ARHGAP10: variants seen among roughly 807,000 people sequenced by gnomAD.
The protein encoded by ARHGAP10 is Rho GTPase activating protein 10, also known as rho GTPase-activating protein 10.
ARHGAP10 carries 87 observed loss-of-function variants against 108.6 expected under a neutral mutation model. That is an observed-to-expected ratio of 0.80 (90% CI 0.67 to 0.96). The LOEUF is 0.96. ARHGAP10 is among the 40% of genes least tolerant of loss of function. The probability of loss-of-function intolerance (pLI) is 0.00; values close to 1 mark genes in which losing one functional copy is unlikely to be tolerated. For synonymous variants in ARHGAP10, 347 were observed against 341.1 expected, an observed-to-expected ratio of 1.02 and a Z score of -0.19; for missense variants, 939 against 954.5, an observed-to-expected ratio of 0.98 and a Z score of 0.21.
chr4:147,876,324 G>T (rs543069300), intron 8 of ARHGAP10, among the ~76,000 whole-genome samples: 4 of 152,280 alleles, frequency 2.6e-5, no homozygotes, highest in African/African-American at 9.6e-5. Context: ...TGGGCGCGGT[G>T]GCTCACACTT....
At chr4:147,826,455 C>A (rs2126790895) in intron 3 of ARHGAP10, among the ~76,000 whole-genome samples, 1 of 152,244 alleles carries the variant, frequency 6.6e-6, no homozygotes, top group African/African-American at 2.4e-5. Context: ...GTGTCATACA[C>A]AACTCATTGT....
At chr4:147,936,858 G>A (rs998499319) in intron 13 of ARHGAP10, among the ~76,000 whole-genome samples, 3 of 152,178 alleles carry the variant, frequency 2.0e-5, no homozygotes, top group Non-Finnish European at 4.4e-5. Context: ...CCCAGACCGT[G>A]GCCTATTAGG....
At chr4:147,737,880 G>A (rs1002561024) in intron 1 of ARHGAP10, among the ~76,000 whole-genome samples, 5 of 152,154 alleles carry the variant, frequency 3.3e-5, no homozygotes, top group African/African-American at 1.2e-4. Flanking sequence ...CACCAGCTGA[G>A]CCATGGTTAT....
intron 19 of ARHGAP10, among the ~76,000 whole-genome samples, chr4:148,028,810 G>A (rs771318558): frequency 1.3e-5 from 2 of 152,166 alleles, no homozygotes; most frequent in Non-Finnish European, 2.9e-5. Flanking sequence ...TGGATATCTG[G>A]GAGAGATGTT....
At chr4:147,872,202 G>A (rs984501731) in intron 7 of ARHGAP10, among the ~76,000 whole-genome samples, 4 of 151,968 alleles carry the variant, frequency 2.6e-5, no homozygotes, top group Admixed American at 2.0e-4. Flanking sequence ...AGGCGTCTGC[G>A]GCAGGGATGG....
intron 19 of ARHGAP10, among the ~76,000 whole-genome samples, chr4:148,033,072 G>A (rs1344470738): frequency 6.6e-6 from 1 of 152,062 alleles, no homozygotes; most frequent in Non-Finnish European, 1.5e-5. Flanking sequence ...AAGCAAATAT[G>A]AATATGGATT....
intron 7 of ARHGAP10, among the ~76,000 whole-genome samples, chr4:147,870,024 G>C (rs1229875721): frequency 6.6e-5 from 10 of 151,634 alleles, no homozygotes; most frequent in East Asian, 1.9e-4. Context: ...GTGTGTGTGT[G>C]TGTGTGTGTG....
chr4:148,068,483 A>G (rs530059744), intron 22 of ARHGAP10, among the ~76,000 whole-genome samples: 2 of 152,334 alleles, frequency 1.3e-5, no homozygotes, highest in Non-Finnish European at 2.9e-5. Flanking sequence ...TTCCTAGCAC[A>G]GGGGAATCTG....
chr4:147,972,378 G>T (rs1367376421), intron 18 of ARHGAP10, among the ~76,000 whole-genome samples: 1 of 152,102 alleles, frequency 6.6e-6, no homozygotes, highest in African/African-American at 2.4e-5. Context: ...TAGTATCCCT[G>T]TATGGGTGAA....
intron 3 of ARHGAP10, among the ~76,000 whole-genome samples, chr4:147,826,089 G>C (rs1394511671): frequency 2.0e-5 from 3 of 152,222 alleles, no homozygotes; most frequent in Non-Finnish European, 4.4e-5. Context: ...GTAGGATACT[G>C]CACAAAGGGC....
chr4:148,011,076 A>G (rs997731488), intron 18 of ARHGAP10, among the ~76,000 whole-genome samples: 2 of 152,226 alleles, frequency 1.3e-5, no homozygotes, highest in Non-Finnish European at 2.9e-5. Context: ...GATTCAAGTT[A>G]CATATTTTTG....
chr4:148,068,087 T>C (rs1729978791), intron 22 of ARHGAP10, among the ~76,000 whole-genome samples: 1 of 151,964 alleles, frequency 6.6e-6, no homozygotes, highest in African/African-American at 2.4e-5. Context: ...GCCTGGGGAA[T>C]CCTGGAAATA....
intron 13 of ARHGAP10, among the ~76,000 whole-genome samples, chr4:147,934,448 G>C (rs567382616): frequency 3.0e-4 from 46 of 152,322 alleles, no homozygotes; most frequent in African/African-American, 1.1e-3. Context: ...GATATGAGCA[G>C]GTTACTTTCT....
At chr4:147,863,692 C>G (rs1390533565) in intron 5 of ARHGAP10, 1 of 152,156 alleles carries the variant, frequency 6.6e-6, no homozygotes, top group Non-Finnish European at 1.5e-5. Context: ...TGCCTGTTAA[C>G]TGCTGGTGGC....
intron 10 of ARHGAP10, among the ~76,000 whole-genome samples, chr4:147,897,982 A>G (rs1560815827): frequency 6.6e-6 from 1 of 151,726 alleles, no homozygotes; most frequent in Non-Finnish European, 1.5e-5. Flanking sequence ...GCCTCCCGAG[A>G]AGCTGGGACT....
chr4:147,830,746 G>A (rs1295099843), intron 3 of ARHGAP10, among the ~76,000 whole-genome samples: 3 of 152,028 alleles, frequency 2.0e-5, no homozygotes, highest in Non-Finnish European at 4.4e-5. Flanking sequence ...GCTCGAACTC[G>A]TGATCTCACG....
intron 5 of ARHGAP10, chr4:147,858,487 A>G (rs1203442889): frequency 1.3e-5 from 2 of 152,240 alleles, no homozygotes; most frequent in Non-Finnish European, 2.9e-5. Context: ...CTATTTAGTT[A>G]CATACTCTGT....
At chr4:147,900,512 C>G (rs578222308) in intron 10 of ARHGAP10, among the ~76,000 whole-genome samples, 1 of 152,194 alleles carries the variant, frequency 6.6e-6, no homozygotes, top group Non-Finnish European at 1.5e-5. Flanking sequence ...CACCAGGAAT[C>G]AGTTCTGACT....
intron 10 of ARHGAP10, among the ~76,000 whole-genome samples, chr4:147,893,520 A>G (rs963456265): frequency 6.8e-6 from 1 of 147,696 alleles, no homozygotes; most frequent in Non-Finnish European, 1.5e-5. Flanking sequence ...TAATAAGAAT[A>G]TATATATTTC....
Sources: allele counts gnomAD v4.1 joint callset (sites outside exome capture counted in the v4.1 genomes callset), GRCh38; gene constraint gnomAD v4.1.1; transcripts MANE v1.5; gene names NCBI Gene and HGNC (gene_info 2026-07-23, HGNC 2026-07-21).